SLC6A14: variants seen among roughly 807,000 people sequenced by gnomAD.
The protein encoded by SLC6A14 is solute carrier family 6 member 14.
In SLC6A14, 21 loss-of-function variants were observed where a neutral mutation model predicts 51.4. That is an observed-to-expected ratio of 0.41 (90% CI 0.29 to 0.59). SLC6A14 has a LOEUF of 0.59. Among genes scored for constraint, SLC6A14 ranks in the 20% least tolerant of loss-of-function variants. SLC6A14 has a pLI of 0.31. For missense variants in SLC6A14, 371 were observed against 472.8 expected, an observed-to-expected ratio of 0.78 and a Z score of 2.00; for synonymous variants, 177 against 160.7, an observed-to-expected ratio of 1.10 and a Z score of -0.77.
intron 4 of SLC6A14, 36 bp downstream of exon 4, chrX:116,442,884 T>G: frequency 2.0e-6 from 2 of 1,009,306 alleles, no homozygotes; most frequent in Non-Finnish European, 2.7e-6. Context: ...TTCTTTTATA[T>G]ATATTTTTTA....
At chrX:116,450,247 A>G (rs1273836618) in intron 7 of SLC6A14, among the ~76,000 whole-genome samples, 2 of 111,852 alleles carry the variant, frequency 1.8e-5, no homozygotes, top group Admixed American at 1.9e-4. Context: ...AAAAATCAAC[A>G]TATATAATAG....
rs1556694401 is a variant in SLC6A14 at position 116,451,502 on chromosome X, G to T, written c.991G>T (p.Val331Phe). Residue 331 changes from valine to phenylalanine, a missense_variant, in exon 8 of 14, where the codon GTT (valine) becomes TTT (phenylalanine). By Grantham distance (50) the Val-to-Phe change is conservative. Around this residue, in one of 2 missense-constraint regions of SLC6A14, gnomAD observed 277 missense variants for 391.8 expected, o/e 0.71. Coordinates refer to ENST00000598581, the MANE Select transcript of SLC6A14 (RefSeq NM_007231.5). ...YSLSVAWGGLVALSSYNKFKN... is the reference protein window; with the variant it reads ...YSLSVAWGGLFALSSYNKFKN... ...CCTTTCAGTGGCTTGGGGTGGCTTA[G>T]TTGCTCTATCATCTTACAATAAGTT... The T allele has an allele frequency of 5.0e-6, 6 of 1,210,992 alleles. No individual in the cohort carries two copies. Among genetic ancestry groups the T allele is most frequent in the Non-Finnish European group, 6.7e-6 (6 of 895,085 alleles).
chrX:116,449,929 A>G (rs1225317039), intron 7 of SLC6A14, among the ~76,000 whole-genome samples: 12 of 112,195 alleles, frequency 1.1e-4, no homozygotes, highest in Non-Finnish European at 1.9e-4. Context: ...CATTTAGGAA[A>G]CAACATCAGT....
In SLC6A14 at chrX:116,447,114, T is replaced by G. The variant is rs185349523; in HGVS notation, c.930+233T>G. On this transcript the variant is annotated intron_variant, in intron 7 of 13. Coordinates refer to ENST00000598581, the MANE Select transcript of SLC6A14 (RefSeq NM_007231.5). The stretch of plus-strand genomic sequence containing the variant: ...TTAGAAATAGGATTTTTAAAGTCAT[T>G]TTTTATTCATATAAACTGAATCTAT... Among the ~76,000 whole-genome samples, 351 of 111,635 alleles carry G rather than the reference T, an allele frequency of 3.1e-3. 1 individual carries two copies. The highest frequency in any genetic ancestry group is 0.011 in the African/African-American group (332 of 30,805).
rs1556694962 is a variant in SLC6A14, at chrX:116,458,880, T to C, written c.1854T>C (p.Tyr618=). ...PYLEQHRGER[Y]KDMVDPKKEA... is the part of the protein sequence containing the mutation. ...TGGAACAACATCGTGGGGAAAGATA[T>C]AAAGACATGGTAGATCCTAAAAAAG... The change falls in exon 14 of 14, where the codon TAT becomes TAC. Residue 618 remains tyrosine (Y), a synonymous_variant. Transcript: ENST00000598581. 4 of 1,204,041 alleles carry C rather than the reference T, an allele frequency of 3.3e-6. No individual in the cohort carries two copies.
Position 116,455,324 on chromosome X carries a change from G to A in SLC6A14, c.1505-33G>A, listed in dbSNP as rs377391389. ...TAATGGTTACTGGAAGAAAATATTA[G>A]CAAGCACTCAATGTACTCTTTGTTT... On this transcript the variant is annotated intron_variant, in intron 11 of 13. Transcript: ENST00000598581. 5.5e-6 allele frequency: 6 copies of A among 1,083,211 alleles called. No individual in the cohort carries two copies. In the East Asian group the frequency reaches 1.5e-4, roughly 27 times the overall value. The allele number at this position is 1,083,211 out of a possible 1,213,427, so 89.3% of individuals were successfully genotyped here. A position where few individuals can be genotyped will look rare whatever the true frequency, so the allele number is the denominator to read the frequency against.
intron 1 of SLC6A14, among the ~76,000 whole-genome samples, chrX:116,437,296 T>TTA (rs1427137537): frequency 2.6e-4 from 25 of 97,484 alleles, no homozygotes; most frequent in African/African-American, 9.0e-4. Flanking sequence ...TAAGAAAAGT[T>TTA]TATAGATTCT....
intron 7 of SLC6A14, among the ~76,000 whole-genome samples, chrX:116,451,003 T>C (rs1927811965): frequency 8.9e-6 from 1 of 112,414 alleles, no homozygotes; most frequent in Admixed American, 9.4e-5. Flanking sequence ...TATATTTAAT[T>C]TAACCAAATA....
chrX:116,440,937 G>A, intron 2 of SLC6A14, 29 bp from the exon 3 acceptor site: 1 of 1,205,108 alleles, frequency 8.3e-7, no homozygotes, highest in Admixed American at 2.2e-5. Flanking sequence ...AGCTGTAATA[G>A]TGCTTTGGTT....
At chrX:116,437,299 T>C (rs1261216364) in intron 1 of SLC6A14, among the ~76,000 whole-genome samples, 1 of 95,953 alleles carries the variant, frequency 1.0e-5, no homozygotes, top group Non-Finnish European at 2.2e-5. Context: ...GAAAAGTTTA[T>C]AGATTCTCGT....
In SLC6A14 at chrX:116,455,007, C is replaced by T; in HGVS notation, c.1435C>T (p.His479Tyr). 1 of 1,203,699 alleles carries T rather than the reference C, an allele frequency of 8.3e-7. No individual in the cohort carries two copies. Among genetic ancestry groups the T allele is most frequent in the Non-Finnish European group, 1.1e-6 (1 of 890,594 alleles). ...AGIYWVHLID[H>Y]FCAGWGILIA... ...AATTTACTGGGTTCATCTGATTGAC[C>T]ACTTCTGTGCTGGATGGGGCATTTT... Residue 479 changes from histidine to tyrosine, a missense_variant, in exon 11 of 14, where the codon CAC (histidine) becomes TAC (tyrosine). Physicochemically the swap from His to Tyr is moderately conservative, Grantham distance 83. Coordinates refer to ENST00000598581, the MANE Select transcript of SLC6A14 (RefSeq NM_007231.5).
rs1602516901 is a variant in SLC6A14 at position 116,459,140 on chromosome X, C to A, written c.*185C>A. The A allele has an allele frequency of 2.9e-6, 1 of 339,314 alleles. No individual in the cohort carries two copies. Among genetic ancestry groups the A allele is most frequent in the Non-Finnish European group, 5.1e-6 (1 of 196,279 alleles). 28.0% of individuals were successfully genotyped at this position (339,314 alleles called of 1,213,427 possible). ...GAATCTCTTAATTCTCAGCCATGTGCTTATTATATTTCTTTTTAGATTGTC... is the reference window on the plus strand; with the variant it reads ...GAATCTCTTAATTCTCAGCCATGTGATTATTATATTTCTTTTTAGATTGTC... On this transcript the variant is annotated 3_prime_UTR_variant, in exon 14 of 14. Transcript: ENST00000598581.
chrX:116,438,882 A>G (rs1465845953), intron 2 of SLC6A14, among the ~76,000 whole-genome samples: 1 of 111,979 alleles, frequency 8.9e-6, no homozygotes, highest in African/African-American at 3.2e-5. Flanking sequence ...TGGTTACATT[A>G]AAATATTCAC....
Position 116,454,416 on chromosome X carries a change from C to T in SLC6A14, c.1378C>T (p.Leu460Phe). ...ITLGCCLVLF[L>F]LGLVCVTQAG... ...TTTGGGCTGCTGCTTGGTTTTGTTT[C>T]TCCTTGGTCTCGTCTGTGTGACTCA... The change falls in exon 10 of 14, where the codon CTC (leucine) becomes TTC (phenylalanine). Residue 460 changes from leucine (L) to phenylalanine (F), a missense_variant. Leu to Phe is a conservative substitution (Grantham distance 22). This residue lies in a region of SLC6A14 where 277 missense variants were observed against 391.8 expected (regional missense o/e 0.71). Coordinates refer to ENST00000598581, the MANE Select transcript of SLC6A14 (RefSeq NM_007231.5). 5 of 1,185,639 alleles carry T rather than the reference C, an allele frequency of 4.2e-6. No homozygotes were observed. Among genetic ancestry groups the T allele is most frequent in the Middle Eastern group, 6.4e-4 (2 of 3,112 alleles).
chrX:116,449,918 C>T (rs1927789800), intron 7 of SLC6A14, among the ~76,000 whole-genome samples: 1 of 111,260 alleles, frequency 9.0e-6, no homozygotes, highest in Non-Finnish European at 1.9e-5. Flanking sequence ...AATTGATATC[C>T]CATTTAGGAA....
rs548762434 is a variant in SLC6A14, at chrX:116,444,659, G to T, written c.657-259G>T. ...AAACAGAGGAAAGTAATAGCTAAAA[G>T]AATCAGTAGATCTTTTATTCTGTGG... On this transcript the variant is annotated intron_variant, in intron 5 of 13. Coordinates refer to ENST00000598581, the MANE Select transcript of SLC6A14 (RefSeq NM_007231.5). Among the ~76,000 whole-genome samples, 47 of 111,639 alleles carry T rather than the reference G, an allele frequency of 4.2e-4. 1 individual carries two copies. In the South Asian group the frequency reaches 0.017, roughly 40 times the overall value.
In SLC6A14 at chrX:116,450,700, G is replaced by A. The variant is rs1927806146; in HGVS notation, c.931-742G>A. The stretch of plus-strand genomic sequence containing the variant: ...GCCTGTAATCCCAGCACTTTGGGAG[G>A]CCAAGGTGGTCAGATCACCTGAGGT... On this transcript the variant is annotated intron_variant, in intron 7 of 13. Coordinates refer to ENST00000598581, the MANE Select transcript of SLC6A14 (RefSeq NM_007231.5). 3.6e-5 allele frequency among the ~76,000 whole-genome samples: 4 copies of A among 112,214 alleles called. No homozygotes were observed. The South Asian group carries it at 1.5e-3, about 42-fold the overall frequency.
intron 4 of SLC6A14, 55 bp from the exon 5 acceptor site, chrX:116,443,588 A>G: frequency 1.2e-6 from 1 of 844,831 alleles, no homozygotes; most frequent in Middle Eastern, 3.1e-4. Flanking sequence ...TTTCTAGGAA[A>G]GTAATCTTCT....
chrX:116,457,739 T>C lies in SLC6A14; in HGVS notation c.1745T>C (p.Ile582Thr), dbSNP rs1556694881. The C allele has an allele frequency of 8.3e-7, 1 of 1,202,577 alleles. No homozygotes were observed. The highest frequency in any genetic ancestry group is 1.1e-6 in the Non-Finnish European group (1 of 887,732). The change falls in exon 13 of 14, where the codon ATC becomes ACC. Residue 582 changes from isoleucine (I) to threonine (T), a missense_variant. Physicochemically the swap from Ile to Thr is moderately conservative, Grantham distance 89 (BLOSUM62 -1). Around this residue, in one of 2 missense-constraint regions of SLC6A14, gnomAD observed 94 missense variants for 81.0 expected, o/e 1.16. Transcript: ENST00000598581. ...FCIIWIPIMA[I>T]IKIIQAKGNI... ...ATTATTTGGATTCCAATTATGGCTA[T>C]CATAAAAATAATTCAGGCTAAAGGA... is the stretch of plus-strand genomic sequence containing the variant.
Sources: allele counts gnomAD v4.1 joint callset (sites outside exome capture counted in the v4.1 genomes callset), GRCh38; gene constraint gnomAD v4.1.1; regional missense constraint gnomAD v4.1.1; transcripts MANE v1.5; gene names NCBI Gene and HGNC (gene_info 2026-07-23, HGNC 2026-07-21).